Variants in ZMYM2 observed in about 807,000 individuals in gnomAD.
ZMYM2 encodes the protein zinc finger MYM-type protein 2.
Under a neutral mutation model 162.8 loss-of-function variants are expected in ZMYM2, and 56 were observed. The ratio of observed to expected loss-of-function variants is 0.34; its 90% CI spans 0.28 to 0.43. The LOEUF (loss-of-function observed/expected upper bound fraction) is 0.43, where lower values mean the gene tolerates loss of function less well. ZMYM2 is among the 20% of genes least tolerant of loss of function. ZMYM2 has a pLI of 1.00. For synonymous variants in ZMYM2, 510 were observed against 541.6 expected (o/e 0.94, Z 0.81); for missense variants, 1,275 against 1,621.8 (o/e 0.79, Z 3.67).
At chr13:20,021,268 C>T (rs148587158) in intron 7 of ZMYM2, among the ~76,000 whole-genome samples, 13 of 152,176 alleles carry the variant, frequency 8.5e-5, no homozygotes, top group African/African-American at 3.1e-4. Context: ...AGCCACTGCG[C>T]CCGGCCTTAC....
upstream of ZMYM2, among the ~76,000 whole-genome samples, chr13:19,954,954 G>A (rs75005372): frequency 6.3e-3 from 965 of 151,972 alleles, 18 homozygotes; most frequent in African/African-American, 0.022. Context: ...GGGACTACAA[G>A]CATGCACCAC....
At chr13:20,081,447 G>C (rs764631502) in intron 21 of ZMYM2, among the ~76,000 whole-genome samples, 36 of 152,124 alleles carry the variant, frequency 2.4e-4, no homozygotes, top group Non-Finnish European at 5.1e-4. Flanking sequence ...GTGACAGTAA[G>C]TTACAAGATT....
intron 3 of ZMYM2, among the ~76,000 whole-genome samples, chr13:19,994,667 T>G (rs1474302842): frequency 6.6e-6 from 1 of 151,918 alleles, no homozygotes; most frequent in East Asian, 1.9e-4. Flanking sequence ...TTTTTGTATT[T>G]TGTATGGGGT....
chr13:20,005,375 T>C, intron 5 of ZMYM2, 136 bp downstream of exon 5: 1 of 606,146 alleles, frequency 1.6e-6, no homozygotes. Context: ...AATATCCTAT[T>C]ATGTAATCTG....
At chr13:19,957,059 G>T (rs1313976728), upstream of ZMYM2, among the ~76,000 whole-genome samples, 1 of 151,966 alleles carries the variant, frequency 6.6e-6, no homozygotes, top group Non-Finnish European at 1.5e-5. Context: ...TGAAAAGCTG[G>T]TTCAAGTACA....
chr13:20,046,518 C>T (rs1013450898), intron 12 of ZMYM2, among the ~76,000 whole-genome samples: 1 of 148,718 alleles, frequency 6.7e-6, no homozygotes, highest in African/African-American at 2.5e-5. Context: ...CACACCACTG[C>T]ACTCTGGCCT....
intron 12 of ZMYM2, among the ~76,000 whole-genome samples, chr13:20,047,921 C>T (rs898454862): frequency 3.3e-5 from 5 of 151,844 alleles, no homozygotes; most frequent in South Asian, 2.1e-4. Flanking sequence ...TGTTTCCAGG[C>T]GTAATGAAAA....
chr13:19,960,656 ATCT>A (rs1955109208), intron 2 of ZMYM2, among the ~76,000 whole-genome samples: 1 of 152,202 alleles, frequency 6.6e-6, no homozygotes, highest in Admixed American at 6.5e-5. Context: ...CATGTTGATC[ATCT>A]TTAACTTAAC....
chr13:20,069,552 T>C (rs1956926695), intron 21 of ZMYM2, among the ~76,000 whole-genome samples: 1 of 151,982 alleles, frequency 6.6e-6, no homozygotes, highest in Non-Finnish European at 1.5e-5. Flanking sequence ...CTTATTGAAT[T>C]TTGTCAACGC....
chr13:19,936,706 G>A, the ZMYM2 span, among the ~76,000 whole-genome samples: 1 of 152,150 alleles, frequency 6.6e-6, no homozygotes, highest in East Asian at 1.9e-4. Flanking sequence ...TGGGCAAAGA[G>A]TGAAACTATG....
At chr13:20,077,616 A>G (rs1024260287) in intron 21 of ZMYM2, among the ~76,000 whole-genome samples, 1 of 152,034 alleles carries the variant, frequency 6.6e-6, no homozygotes, top group African/African-American at 2.4e-5. Context: ...ACATATAGAA[A>G]TTTATTCAGC....
At chr13:20,031,731 T>C (rs1296313045) in intron 10 of ZMYM2, among the ~76,000 whole-genome samples, 1 of 152,128 alleles carries the variant, frequency 6.6e-6, no homozygotes, top group Non-Finnish European at 1.5e-5. Context: ...TTGTCTTTCC[T>C]TTTTTTGTCC....
At chr13:19,954,147 T>TTTTTTTTTTTTTTTTTTA (rs1954472661), upstream of ZMYM2, among the ~76,000 whole-genome samples, 1 of 137,672 alleles carries the variant, frequency 7.3e-6, no homozygotes. Flanking sequence ...TTTTTTTTTT[T>TTTTTTTTTTTTTTTTTTA]AGACGGAGTC....
chr13:19,877,023 G>A, the ZMYM2 span, among the ~76,000 whole-genome samples: 1 of 151,762 alleles, frequency 6.6e-6, no homozygotes, highest in Non-Finnish European at 1.5e-5. Flanking sequence ...AGGAGATCGA[G>A]ACCATGGTGA....
chr13:20,073,187 T>C (rs970863858), intron 21 of ZMYM2, among the ~76,000 whole-genome samples: 3 of 152,152 alleles, frequency 2.0e-5, no homozygotes, highest in Admixed American at 2.0e-4. Context: ...GGATTACAGG[T>C]GTGAGCCACC....
intron 3 of ZMYM2, among the ~76,000 whole-genome samples, chr13:19,999,524 G>C (rs941758326): frequency 6.6e-6 from 1 of 152,064 alleles, no homozygotes; most frequent in Non-Finnish European, 1.5e-5. Flanking sequence ...CCCTCTCCTT[G>C]GACCTCCCTG....
the ZMYM2 span, among the ~76,000 whole-genome samples, chr13:19,909,289 C>G: frequency 2.6e-5 from 4 of 152,210 alleles, no homozygotes; most frequent in African/African-American, 9.6e-5. Context: ...TGGAAAAGAC[C>G]TGCCACTGGA....
intron 6 of ZMYM2, among the ~76,000 whole-genome samples, chr13:20,015,154 T>C (rs573688599): frequency 6.6e-6 from 1 of 152,342 alleles, no homozygotes; most frequent in South Asian, 2.1e-4. Context: ...TTTGGTATTC[T>C]TTTAGTTTTG....
At chr13:20,001,915 CTACAT>C (rs2139891106) in intron 3 of ZMYM2, among the ~76,000 whole-genome samples, 1 of 152,288 alleles carries the variant, frequency 6.6e-6, no homozygotes, top group East Asian at 1.9e-4. Flanking sequence ...ACTTAATAGA[CTACAT>C]TATAGTGTAA....
Sources: gnomAD v4.1 joint callset for allele counts (sites outside exome capture counted in the v4.1 genomes callset) on GRCh38, gnomAD v4.1.1 for gene constraint, MANE v1.5 for transcripts, NCBI Gene and HGNC (gene_info 2026-07-23, HGNC 2026-07-21) for gene names.